Variants in HPS6 observed in about 807,000 individuals in gnomAD.
HPS6 encodes HPS6 biogenesis of lysosomal organelles complex 2 subunit 3, also known as BLOC-2 complex member HPS6.
Under a neutral mutation model 53.6 loss-of-function variants are expected in HPS6, and 46 were observed. That is an observed-to-expected ratio of 0.86 (90% CI 0.68 to 1.10). HPS6 has a LOEUF of 1.10. Ranked by LOEUF, HPS6 falls within the 50% of genes least tolerant of loss-of-function variation. The pLI is 0.00. For missense variants in HPS6, 1,034 were observed against 991.3 expected (o/e 1.04, Z -0.58); for synonymous variants, 535 against 470.8 (o/e 1.14, Z -1.77).
rs2067966786 is a variant in HPS6 at position 102,066,035 on chromosome 10, C to T, written c.561C>T (p.His187=). 2 of 1,608,150 alleles carry T rather than the reference C, an allele frequency of 1.2e-6. No homozygotes were observed. Among genetic ancestry groups the T allele is most frequent in the African/African-American group, 2.7e-5 (2 of 75,076 alleles). ...SLGRTHVLLH[H]CPAFGLLASC... ...GCCGCACACACGTCCTGCTGCACCA[C>T]TGCCCTGCCTTCGGGCTGCTGGCCT... Residue 187 remains histidine, a synonymous_variant, in exon 1 of 1, where the codon CAC becomes CAT. Transcript: ENST00000299238.
Position 102,066,352 on chromosome 10 carries a change from A to C in HPS6, c.878A>C (p.Gln293Pro), listed in dbSNP as rs1235363579. ...TTCGGGGGCACTGTGAGCCTATTGCAGTCCCACGGTGGTACGCGGGCTGTG... is the reference window on the plus strand; with the variant it reads ...TTCGGGGGCACTGTGAGCCTATTGCCGTCCCACGGTGGTACGCGGGCTGTG... ...LDFGGTVSLL[Q>P]SHGGTRAVGT... Residue 293 changes from glutamine (Q) to proline (P), a missense_variant, in exon 1 of 1, where the codon CAG becomes CCG. Coordinates refer to ENST00000299238, the MANE Select transcript of HPS6 (RefSeq NM_024747.6). 1 of 1,613,842 alleles carries C rather than the reference A, an allele frequency of 6.2e-7. No individual in the cohort carries two copies. The highest frequency in any genetic ancestry group is 8.5e-7 in the Non-Finnish European group (1 of 1,180,010).
chr10:102,066,201 C>A lies in HPS6; in HGVS notation c.727C>A (p.Pro243Thr), dbSNP rs767667481. The change falls in exon 1 of 1, where the codon CCT becomes ACT. Residue 243 changes from proline to threonine, a missense_variant. By Grantham distance (38) the Pro-to-Thr change is conservative. Transcript: ENST00000299238. ...LGLSYSKSLNPGRGDTWDFRT... is the reference protein window; with the variant it reads ...LGLSYSKSLNTGRGDTWDFRT... The stretch of plus-strand genomic sequence containing the variant: ...TCTCTCCTACAGTAAGAGTCTGAAT[C>A]CTGGACGAGGGGACACATGGGACTT... 1.9e-5 allele frequency: 31 copies of A among 1,613,770 alleles called. No individual in the cohort carries two copies. The highest frequency in any genetic ancestry group is 2.5e-5 in the Non-Finnish European group (29 of 1,180,054).
chr10:102,065,829 G>A lies in HPS6; in HGVS notation c.355G>A (p.Glu119Lys). Reference protein sequence around the residue: ...GPGWRPLQSTELCPGGGARVV... With the variant: ...GPGWRPLQSTKLCPGGGARVV... ...TGGCTGGCGGCCGCTGCAGAGCACC[G>A]AGCTGTGTCCGGGCGGGGGAGCCCG... Residue 119 changes from glutamate (E) to lysine (K), a missense_variant, in exon 1 of 1, where the codon GAG (glutamate) becomes AAG (lysine). Transcript: ENST00000299238. The A allele has an allele frequency of 4.6e-6, 7 of 1,515,442 alleles. No individual in the cohort carries two copies. Among genetic ancestry groups the A allele is most frequent in the Non-Finnish European group, 6.1e-6 (7 of 1,138,368 alleles). 93.9% of individuals were successfully genotyped at this position (1,515,442 alleles called of 1,614,324 possible).
Position 102,066,896 on chromosome 10 carries a change from T to C in HPS6, c.1422T>C (p.Ala474=). 3 of 1,614,208 alleles carry C rather than the reference T, an allele frequency of 1.9e-6. No individual in the cohort carries two copies. The highest frequency in any genetic ancestry group is 1.3e-5 in the African/African-American group (1 of 75,050). Residue 474 remains alanine, a synonymous_variant, in exon 1 of 1, where the codon GCT becomes GCC. Coordinates refer to ENST00000299238, the MANE Select transcript of HPS6 (RefSeq NM_024747.6). ...AACAGCTGAAGGCCCAGCTGGTGGCTGGGGATGATGAGGAGGCTGGTTGGA... is the reference window on the plus strand; with the variant it reads ...AACAGCTGAAGGCCCAGCTGGTGGCCGGGGATGATGAGGAGGCTGGTTGGA... The part of the protein sequence containing the change: ...GLEQLKAQLV[A]GDDEEAGWTE...
At position 102,066,415 on chromosome 10, in the gene HPS6, C is replaced by T. The variant is rs1446462169; in HGVS notation, c.941C>T (p.Ser314Phe). 3 of 1,614,064 alleles carry T rather than the reference C, an allele frequency of 1.9e-6. No individual in the cohort carries two copies. The highest frequency in any genetic ancestry group is 2.7e-5 in the African/African-American group (2 of 75,056). Residue 314 changes from serine to phenylalanine, a missense_variant, in exon 1 of 1, where the codon TCT becomes TTT. Coordinates refer to ENST00000299238, the MANE Select transcript of HPS6 (RefSeq NM_024747.6). ...GAGGCACCTGTAGGCCCGTGGGGGT[C>T]TGCAGCCCTAGGCACATTTCAGGGC... Reference protein sequence around the residue: ...LQEAPVGPWGSAALGTFQGTL... With the variant: ...LQEAPVGPWGFAALGTFQGTL...
Position 102,066,289 on chromosome 10 carries a change from C to A in HPS6, c.815C>A (p.Thr272Asn). ...LSPREPLAVH[T>N]WAPTPQGLLL... ...CCCAGGGAGCCACTGGCTGTACACA[C>A]CTGGGCCCCAACTCCCCAGGGCCTG... The change falls in exon 1 of 1, where the codon ACC (threonine) becomes AAC (asparagine). Residue 272 changes from threonine (T) to asparagine (N), a missense_variant. Thr to Asn is a moderately conservative substitution (Grantham distance 65). Coordinates refer to ENST00000299238, the MANE Select transcript of HPS6 (RefSeq NM_024747.6). The A allele has an allele frequency of 6.2e-7, 1 of 1,614,058 alleles. No individual in the cohort carries two copies. The highest frequency in any genetic ancestry group is 8.5e-7 in the Non-Finnish European group (1 of 1,180,026).
In HPS6 at chr10:102,067,085, C is replaced by T. The variant is rs1391676041; in HGVS notation, c.1611C>T (p.Ser537=). The T allele has an allele frequency of 1.2e-6, 2 of 1,614,170 alleles. No homozygotes were observed. Among genetic ancestry groups the T allele is most frequent in the South Asian group, 2.2e-5 (2 of 91,090 alleles). The change falls in exon 1 of 1, where the codon TCC becomes TCT. Residue 537 remains serine (S), a synonymous_variant. Transcript: ENST00000299238. The part of the protein sequence containing the change: ...LQLDGNGKLR[S]QAPPDVWKKV... ...TAGATGGGAATGGCAAGCTGAGGTC[C>T]CAAGCACCCCCTGATGTGTGGAAGA...
chr10:102,066,423 C>G lies in HPS6; in HGVS notation c.949C>G (p.Leu317Val). 1 of 1,614,112 alleles carries G rather than the reference C, an allele frequency of 6.2e-7. No homozygotes were observed. The highest frequency in any genetic ancestry group is 1.3e-5 in the African/African-American group (1 of 75,068). ...APVGPWGSAA[L>V]GTFQGTLACV... The stretch of plus-strand genomic sequence containing the variant: ...TGTAGGCCCGTGGGGGTCTGCAGCC[C>G]TAGGCACATTTCAGGGCACTCTGGC... Residue 317 changes from leucine to valine, a missense_variant, in exon 1 of 1, where the codon CTA becomes GTA. Leu to Val is a conservative substitution (Grantham distance 32). Coordinates refer to ENST00000299238, the MANE Select transcript of HPS6 (RefSeq NM_024747.6).
At position 102,065,680 on chromosome 10, in the gene HPS6, G is replaced by T; in HGVS notation, c.206G>T (p.Arg69Leu). The stretch of plus-strand genomic sequence containing the variant: ...CGAGGGCCCGGCGCGGAGCTAGAGC[G>T]GGCCTGGCCGGCCGGCCAGCCCTCC... Reference protein sequence around the residue: ...ASRGPGAELERAWPAGQPSPL... With the variant: ...ASRGPGAELELAWPAGQPSPL... The change falls in exon 1 of 1, where the codon CGG becomes CTG. Residue 69 changes from arginine (R) to leucine (L), a missense_variant. Physicochemically the swap from Arg to Leu is moderately radical, Grantham distance 102. Coordinates refer to ENST00000299238, the MANE Select transcript of HPS6 (RefSeq NM_024747.6). 6.6e-7 allele frequency: 1 copy of T among 1,524,108 alleles called. No individual in the cohort carries two copies. Among genetic ancestry groups the T allele is most frequent in the Non-Finnish European group, 8.7e-7 (1 of 1,145,708 alleles). The allele number at this position is 1,524,108 out of a possible 1,614,324, so 94.4% of individuals were successfully genotyped here.
Position 102,065,508 on chromosome 10 carries a change from G to C in HPS6, c.34G>C (p.Asp12His). 1 of 1,557,636 alleles carries C rather than the reference G, an allele frequency of 6.4e-7. No individual in the cohort carries two copies. The highest frequency in any genetic ancestry group is 8.6e-7 in the Non-Finnish European group (1 of 1,163,404). Reference protein sequence around the residue: ...KRSGTLRLLSDLSAFGGAARL... With the variant: ...KRSGTLRLLSHLSAFGGAARL... ...CTCGGGGACTCTGCGGCTGCTCTCG[G>C]ACCTGAGCGCCTTCGGCGGCGCGGC... Residue 12 changes from aspartate to histidine, a missense_variant, in exon 1 of 1, where the codon GAC becomes CAC. Coordinates refer to ENST00000299238, the MANE Select transcript of HPS6 (RefSeq NM_024747.6).
In HPS6 at chr10:102,065,914, G is replaced by C. The variant is rs767355446; in HGVS notation, c.440G>C (p.Arg147Pro). The change falls in exon 1 of 1, where the codon CGG becomes CCG. Residue 147 changes from arginine (R) to proline (P), a missense_variant. Transcript: ENST00000299238. ...RLVWCEERQA[R>P]AEGPSGSPAA... ...GTGTGGTGCGAGGAGCGGCAGGCCC[G>C]GGCCGAGGGCCCGTCAGGGTCGCCA... 2 of 1,547,444 alleles carry C rather than the reference G, an allele frequency of 1.3e-6. No individual in the cohort carries two copies. The highest frequency in any genetic ancestry group is 1.4e-5 in the African/African-American group (1 of 73,554).
rs376528167 is a variant in HPS6 at position 102,066,329 on chromosome 10, C to T, written c.855C>T (p.Phe285=). The change falls in exon 1 of 1, where the codon TTC becomes TTT. Residue 285 remains phenylalanine, a synonymous_variant. Transcript: ENST00000299238. ...PTPQGLLLLD[F]GGTVSLLQSH... ...CCCAGGGCCTGCTGTTGCTTGACTT[C>T]GGGGGCACTGTGAGCCTATTGCAGT... 128 of 1,613,886 alleles carry T rather than the reference C, an allele frequency of 7.9e-5. No individual in the cohort carries two copies. Among genetic ancestry groups the T allele is most frequent in the Non-Finnish European group, 1.1e-4 (124 of 1,180,000 alleles).
chr10:102,065,353 G>C lies in HPS6; in HGVS notation c.-122G>C, dbSNP rs2067958951. The C allele has an allele frequency of 9.6e-7, 1 of 1,036,508 alleles. No individual in the cohort carries two copies. The highest frequency in any genetic ancestry group is 1.7e-5 in the South Asian group (1 of 58,602). 64.2% of individuals were successfully genotyped at this position (1,036,508 alleles called of 1,614,324 possible). On this transcript the variant is annotated 5_prime_UTR_variant, in exon 1 of 1. Coordinates refer to ENST00000299238, the MANE Select transcript of HPS6 (RefSeq NM_024747.6). ...GGAGTCGACGCTCGGCCCGGCCTCT[G>C]CTCACCTCATCCACGGGAGACGGAA... is the stretch of plus-strand genomic sequence containing the variant.
Position 102,067,251 on chromosome 10 carries a change from C to T in HPS6, c.1777C>T (p.Pro593Ser). The T allele has an allele frequency of 6.2e-7, 1 of 1,612,722 alleles. No homozygotes were observed. Among genetic ancestry groups the T allele is most frequent in the Non-Finnish European group, 8.5e-7 (1 of 1,179,782 alleles). The stretch of plus-strand genomic sequence containing the variant: ...GGAGCTGGCACAGCAGCAGGGCGGG[C>T]CGGGCTGGGGGGCAGGGGGCCCAGG... ...FVELAQQQGG[P>S]GWGAGGPGLP... Residue 593 changes from proline (P) to serine (S), a missense_variant, in exon 1 of 1, where the codon CCG becomes TCG. Pro to Ser is a moderately conservative substitution (Grantham distance 74). Transcript: ENST00000299238.
chr10:102,067,306 T>C lies in HPS6; in HGVS notation c.1832T>C (p.Val611Ala). Residue 611 changes from valine (V) to alanine (A), a missense_variant, in exon 1 of 1, where the codon GTG (valine) becomes GCG (alanine). Physicochemically the swap from Val to Ala is moderately conservative, Grantham distance 64 (BLOSUM62 0). Transcript: ENST00000299238. ...GLPLYRRALA[V>A]LGEEGTRPEA... ...CCCCTGTATCGCCGAGCTCTGGCAG[T>C]GCTAGGTGAGGAGGGGACCAGGCCT... 6.2e-7 allele frequency: 1 copy of C among 1,613,200 alleles called. No homozygotes were observed. The highest frequency in any genetic ancestry group is 1.1e-5 in the South Asian group (1 of 91,076).
Position 102,068,018 on chromosome 10 carries a change from A to G in HPS6, c.*216A>G. 2 of 646,350 alleles carry G rather than the reference A, an allele frequency of 3.1e-6. No individual in the cohort carries two copies. Among genetic ancestry groups the G allele is most frequent in the South Asian group, 3.7e-5 (2 of 54,654 alleles). 40.0% of individuals were successfully genotyped at this position (646,350 alleles called of 1,614,324 possible). A position where few individuals can be genotyped will look rare whatever the true frequency, so the allele number is the denominator to read the frequency against. On this transcript the variant is annotated 3_prime_UTR_variant, in exon 1 of 1. Coordinates refer to ENST00000299238, the MANE Select transcript of HPS6 (RefSeq NM_024747.6). The stretch of plus-strand genomic sequence containing the variant: ...TATTTTTAAGATGTGTGTGTTAAAT[A>G]TATACATAGTTTAATATATACACAG...
chr10:102,066,754 GACAC>G lies in HPS6; in HGVS notation c.1282_1285del (p.His428AlafsTer24), dbSNP rs1207649767. ...GCCCAGCTCACTCCAGAAGAACTGA[GACAC>G]AGCAGCACATTCCGGGCACCTCAGG... On this transcript the variant is annotated frameshift_variant, in exon 1 of 1. Transcript: ENST00000299238. LOFTEE classifies it high-confidence loss of function. 1 of 1,614,030 alleles carries G rather than the reference GACAC, an allele frequency of 6.2e-7. No individual in the cohort carries two copies. The highest frequency in any genetic ancestry group is 1.3e-5 in the African/African-American group (1 of 74,944).
chr10:102,065,537 G>A lies in HPS6; in HGVS notation c.63G>A (p.Arg21=). 1 of 1,549,590 alleles carries A rather than the reference G, an allele frequency of 6.5e-7. No homozygotes were observed. Among genetic ancestry groups the A allele is most frequent in the Admixed American group, 1.8e-5 (1 of 54,272 alleles). The change falls in exon 1 of 1, where the codon CGG becomes CGA. Residue 21 remains arginine, a synonymous_variant. Transcript: ENST00000299238. ...TGAGCGCCTTCGGCGGCGCGGCGCG[G>A]CTCCGGGAGCTGGTGGCCGGGGACT... ...SDLSAFGGAA[R]LRELVAGDSA...
Position 102,067,773 on chromosome 10 carries a change from C to G in HPS6, c.2299C>G (p.Pro767Ala). 6.2e-7 allele frequency: 1 copy of G among 1,613,114 alleles called. No homozygotes were observed. The highest frequency in any genetic ancestry group is 8.5e-7 in the Non-Finnish European group (1 of 1,180,022). Residue 767 changes from proline to alanine, a missense_variant, in exon 1 of 1, where the codon CCA (proline) becomes GCA (alanine). Pro to Ala is a conservative substitution (Grantham distance 27). Transcript: ENST00000299238. ...GGACATCCTATGGGACCCCAGCACTCCACCCCCGACTCCACCTCGGGACCT... is the reference window on the plus strand; with the variant it reads ...GGACATCCTATGGGACCCCAGCACTGCACCCCCGACTCCACCTCGGGACCT... Reference protein sequence around the residue: ...YEDILWDPSTPPPTPPRDL With the variant: ...YEDILWDPSTAPPTPPRDL
Sources: allele counts gnomAD v4.1 joint callset, GRCh38; gene constraint gnomAD v4.1.1; transcripts MANE v1.5; gene names NCBI Gene and HGNC (gene_info 2026-07-23, HGNC 2026-07-21).